Variants in ABI3BP observed in about 807,000 individuals in gnomAD.
ABI3BP encodes ABI family member 3 binding protein.
ABI3BP carries 216 observed loss-of-function variants against 268.6 expected under a neutral mutation model. That is an observed-to-expected ratio of 0.80 (90% CI 0.72 to 0.90). The LOEUF is 0.90. Among genes scored for constraint, ABI3BP ranks in the 40% least tolerant of loss-of-function variants. ABI3BP has a pLI of 0.00. For missense variants in ABI3BP, 2,090 were observed against 2,182.4 expected, an observed-to-expected ratio of 0.96 and a Z score of 0.84; for synonymous variants, 730 against 730.0, an observed-to-expected ratio of 1.00 and a Z score of 0.00.
chr3:100,992,449 G>A (rs948276145), intron 1 of ABI3BP, among the ~76,000 whole-genome samples: 4 of 152,198 alleles, frequency 2.6e-5, no homozygotes, highest in Non-Finnish European at 5.9e-5. Flanking sequence ...CATCATGACT[G>A]TATGGTAAAT....
chr3:100,861,806 A>G (rs60284670), intron 14 of ABI3BP, among the ~76,000 whole-genome samples: 8,806 of 152,210 alleles, frequency 0.058, 741 homozygotes, highest in African/African-American at 0.18. Flanking sequence ...GCCTGGAACC[A>G]AGGTCTATTA....
chr3:100,972,187 C>T (rs1371786557), intron 1 of ABI3BP, among the ~76,000 whole-genome samples: 1 of 152,156 alleles, frequency 6.6e-6, no homozygotes, highest in East Asian at 1.9e-4. Flanking sequence ...AGAAATAAAA[C>T]TTACATCATA....
At chr3:100,966,701 A>G (rs1425553577) in intron 1 of ABI3BP, among the ~76,000 whole-genome samples, 2 of 152,172 alleles carry the variant, frequency 1.3e-5, no homozygotes, top group African/African-American at 4.8e-5. Context: ...GATTCAAAAT[A>G]CCTCCCCTGA....
At chr3:100,838,318 C>A in intron 25 of ABI3BP, 34 bp from the exon 26 acceptor site, 1 of 1,527,928 alleles carries the variant, frequency 6.5e-7, no homozygotes, top group Non-Finnish European at 8.8e-7. Context: ...ATTAGTGTTA[C>A]GGCTGAGCTG....
At chr3:100,918,651 A>T (rs2059388399) in intron 2 of ABI3BP, among the ~76,000 whole-genome samples, 1 of 151,970 alleles carries the variant, frequency 6.6e-6, no homozygotes. Flanking sequence ...ACAAGCAGAG[A>T]TGGTGGTGGT....
At chr3:100,838,688 C>A (rs1475611246) in intron 24 of ABI3BP, among the ~76,000 whole-genome samples, 3 of 151,922 alleles carry the variant, frequency 2.0e-5, no homozygotes, top group Non-Finnish European at 4.4e-5. Context: ...TGTTTTTGAG[C>A]AAAAGTAATG....
chr3:100,911,100 T>C (rs561737284), intron 2 of ABI3BP: 5 of 305,302 alleles, frequency 1.6e-5, no homozygotes, highest in South Asian at 1.5e-4. Context: ...GTTTGTCTTA[T>C]GTCTCTAACT....
intron 1 of ABI3BP, chr3:100,945,637 A>T (rs1455637180): frequency 2.2e-6 from 1 of 450,898 alleles, no homozygotes; most frequent in Non-Finnish European, 4.5e-6. Context: ...TATGAGACTC[A>T]TCCATCCATG....
chr3:100,858,230 T>G (rs2098960254), intron 14 of ABI3BP, among the ~76,000 whole-genome samples: 1 of 152,338 alleles, frequency 6.6e-6, no homozygotes. Context: ...GAAAGTTAGA[T>G]TTGCCAAGGG....
intron 45 of ABI3BP, 37 bp downstream of exon 45, chr3:100,813,624 A>G: frequency 6.8e-7 from 1 of 1,474,142 alleles, no homozygotes; most frequent in Non-Finnish European, 9.2e-7. Context: ...CTCTTAAAGC[A>G]CACAGTATAC....
chr3:100,927,359 G>A (rs57071355), intron 1 of ABI3BP, among the ~76,000 whole-genome samples: 485 of 152,286 alleles, frequency 3.2e-3, no homozygotes, highest in African/African-American at 0.011. Flanking sequence ...GCATCCCACT[G>A]AAGATACTCG....
At chr3:100,952,804 C>A (rs921268798) in intron 1 of ABI3BP, 3 of 152,058 alleles carry the variant, frequency 2.0e-5, no homozygotes, top group Non-Finnish European at 4.4e-5. Flanking sequence ...AGAAGCCCAT[C>A]AGCAAAGCAC....
chr3:100,840,086 G>A lies in ABI3BP; in HGVS notation c.1883C>T (p.Pro628Leu), dbSNP rs1362781041. 1 of 1,531,340 alleles carries A rather than the reference G, an allele frequency of 6.5e-7. No homozygotes were observed. The highest frequency in any genetic ancestry group is 1.4e-5 in the African/African-American group (1 of 72,222). 94.9% of individuals were successfully genotyped at this position (1,531,340 alleles called of 1,614,324 possible). A position where few individuals can be genotyped will look rare whatever the true frequency, so the allele number is the denominator to read the frequency against. ...RPKTTPSPEV[P>L]KSKPALEPAT... ...ATCACATTTACCGGGTTTGGACTTG[G>A]GCACTTCTGGACTAGGTGTGGTTTT... Residue 628 changes from proline (P) to leucine (L), a missense_variant, in exon 23 of 68, where the codon CCC becomes CTC. Physicochemically the swap from Pro to Leu is moderately conservative, Grantham distance 98. Coordinates refer to ENST00000471714, the MANE Select transcript of ABI3BP (RefSeq NM_001375547.2).
intron 1 of ABI3BP, among the ~76,000 whole-genome samples, chr3:100,958,136 A>ACTATATT (rs2077457391): frequency 6.6e-6 from 1 of 152,208 alleles, no homozygotes. Flanking sequence ...TCCCTAATAG[A>ACTATATT]CTATATTCTG....
At chr3:100,805,483 A>C (rs2097680509) in intron 50 of ABI3BP, among the ~76,000 whole-genome samples, 1 of 152,142 alleles carries the variant, frequency 6.6e-6, no homozygotes, top group Admixed American at 6.6e-5. Flanking sequence ...AATAGACACC[A>C]GGAAAATAAG....
At position 100,782,644 on chromosome 3, in the gene ABI3BP, C is replaced by CCCGGG. The variant is rs2096904444; in HGVS notation, c.4163-2440_4163-2436dup. Among the ~76,000 whole-genome samples the CCCGGG allele has an allele frequency of 3.3e-5, 5 of 152,132 alleles. No individual in the cohort carries two copies. The South Asian group carries it at 1.0e-3, about 32-fold the overall frequency. Reference sequence around the variant, plus strand: ...ACCTAGCTGCTGTTGAGGCATTTCACCCGGGCCAGAACTGGAGAGACTAGT... The same window carrying CCCGGG: ...ACCTAGCTGCTGTTGAGGCATTTCACCCGGGCCGGGCCAGAACTGGAGAGACTAGT... On this transcript the variant is annotated intron_variant, in intron 57 of 67. Coordinates refer to ENST00000471714, the MANE Select transcript of ABI3BP (RefSeq NM_001375547.2).
chr3:100,756,259 T>G (rs1025923077), intron 63 of ABI3BP, among the ~76,000 whole-genome samples: 7 of 152,214 alleles, frequency 4.6e-5, no homozygotes, highest in Non-Finnish European at 1.0e-4. Context: ...GTGCGGTGGC[T>G]CGTGCCTGTA....
intron 57 of ABI3BP, among the ~76,000 whole-genome samples, chr3:100,785,970 T>G (rs1326914379): frequency 6.6e-6 from 1 of 152,208 alleles, no homozygotes; most frequent in Non-Finnish European, 1.5e-5. Context: ...GAGCCAACCT[T>G]GCATTCCTAG....
chr3:100,944,265 G>C (rs933751300), intron 1 of ABI3BP, among the ~76,000 whole-genome samples: 1 of 151,984 alleles, frequency 6.6e-6, no homozygotes, highest in Non-Finnish European at 1.5e-5. Context: ...GAGTGATCAG[G>C]TATCAAAAAA....
Sources: allele counts gnomAD v4.1 joint callset (sites outside exome capture counted in the v4.1 genomes callset), GRCh38; gene constraint gnomAD v4.1.1; transcripts MANE v1.5; gene names NCBI Gene and HGNC (gene_info 2026-07-23, HGNC 2026-07-21).